NUDT5: variants seen among roughly 807,000 people sequenced by gnomAD.
The protein encoded by NUDT5 is ADP-sugar pyrophosphatase.
A neutral mutation model predicts 34.1 loss-of-function variants in NUDT5; 21 were observed. The ratio of observed to expected loss-of-function variants is 0.62; its 90% confidence interval spans 0.44 to 0.89. The LOEUF is 0.89. Among genes scored for constraint, NUDT5 ranks in the 40% least tolerant of loss-of-function variants. The pLI is 0.00. For missense variants in NUDT5, 249 were observed against 274.8 expected, an observed-to-expected ratio of 0.91 and a Z score of 0.66; for synonymous variants, 85 against 97.6, an observed-to-expected ratio of 0.87 and a Z score of 0.76.
chr10:12,175,530 T>C lies in NUDT5; in HGVS notation c.290-1717A>G, dbSNP rs2131704030. Among the ~76,000 whole-genome samples the C allele has an allele frequency of 6.6e-6, 1 of 151,654 alleles. No homozygotes were observed. Among genetic ancestry groups the C allele is most frequent in the East Asian group, 1.9e-4 (1 of 5,156 alleles). ...GGTGATGCACGCCTGCAGACCCAGC[T>C]ACCCAGGAAGCCAAGGCAGGAGGAT... is the stretch of plus-strand genomic sequence containing the variant. On this transcript the variant is annotated intron_variant, in intron 5 of 9. Transcript: ENST00000491614. The surrounding 1 kb of genome is among the most constrained non-coding windows in gnomAD (Gnocchi z 4.8).
intron 1 of NUDT5, among the ~76,000 whole-genome samples, chr10:12,194,572 G>C (rs1835296720): frequency 6.6e-6 from 1 of 152,182 alleles, no homozygotes; most frequent in Non-Finnish European, 1.5e-5. Flanking sequence ...ATTCTTTAAA[G>C]CACTGCTTCC....
chr10:12,190,325 A>AT (rs1311486691), intron 1 of NUDT5, among the ~76,000 whole-genome samples: 2 of 152,202 alleles, frequency 1.3e-5, no homozygotes, highest in Non-Finnish European at 2.9e-5. Context: ...TCTCCAGAGC[A>AT]TAAAAAAAAC....
chr10:12,165,459 C>A lies in NUDT5; in HGVS notation c.*2243G>T. 1.5e-6 allele frequency: 1 copy of A among 658,448 alleles called. No homozygotes were observed. Among genetic ancestry groups the A allele is most frequent in the Non-Finnish European group, 1.9e-6 (1 of 531,718 alleles). The allele number at this position is 658,448 out of a possible 1,614,324, so 40.8% of individuals were successfully genotyped here. On this transcript the variant is annotated 3_prime_UTR_variant, in exon 10 of 10. Transcript: ENST00000491614. ...TCAGTGTATTCATAAGAAGTCCACCCTGAGATGCCTGTAAAAGTCAAATGT... is the reference window on the plus strand; with the variant it reads ...TCAGTGTATTCATAAGAAGTCCACCATGAGATGCCTGTAAAAGTCAAATGT...
rs181826773 is a variant in NUDT5 at position 12,171,967 on chromosome 10, C to T, written c.487+798G>A. ...CTCGAGCTCCTGACCTCAAGTGATC[C>T]ACCCACCTCAACCTTCCAAAGTGCT... On this transcript the variant is annotated intron_variant, in intron 7 of 9. Coordinates refer to ENST00000491614, the MANE Select transcript of NUDT5 (RefSeq NM_014142.4). The surrounding 1 kb of genome is among the most constrained non-coding windows in gnomAD (Gnocchi z 4.2). Among the ~76,000 whole-genome samples the T allele has an allele frequency of 1.5e-3, 226 of 152,072 alleles. 1 individual carries two copies. Among genetic ancestry groups the T allele is most frequent in the African/African-American group, 5.3e-3 (218 of 41,472 alleles).
Position 12,169,362 on chromosome 10 carries a change from C to T in NUDT5, c.550+1355G>A, listed in dbSNP as rs1052473312. The stretch of plus-strand genomic sequence containing the variant: ...CCGCACGGCATTTCACACTTGCCTA[C>T]GTCACCCTGCTTTCCACGCACCTCC... On this transcript the variant is annotated intron_variant, in intron 9 of 9. Transcript: ENST00000491614. This position sits in a 1 kb window ranked among gnomAD's most constrained non-coding sequence, Gnocchi z 4.8. 16 of 1,414,046 alleles carry T rather than the reference C, an allele frequency of 1.1e-5. No homozygotes were observed. The highest frequency in any genetic ancestry group is 7.2e-5 in the African/African-American group (5 of 69,928). The allele number at this position is 1,414,046 out of a possible 1,614,324, so 87.6% of individuals were successfully genotyped here.
In NUDT5 at chr10:12,171,419, C is replaced by T. The variant is rs578091610; in HGVS notation, c.488-511G>A. 3.9e-5 allele frequency among the ~76,000 whole-genome samples: 6 copies of T among 152,292 alleles called. No individual in the cohort carries two copies. Among genetic ancestry groups the T allele is most frequent in the South Asian group, 4.1e-4 (2 of 4,826 alleles). ...TCAGAGTATTTGCCCATCATGTTAT[C>T]GCATGTTTCAGCGTGTATGTGTGTT... On this transcript the variant is annotated intron_variant, in intron 7 of 9. Transcript: ENST00000491614. This position sits in a 1 kb window ranked among gnomAD's most constrained non-coding sequence, Gnocchi z 4.2.
Position 12,170,797 on chromosome 10 carries a change from C to A in NUDT5, c.497-27G>T. 6.2e-7 allele frequency: 1 copy of A among 1,613,982 alleles called. No individual in the cohort carries two copies. The highest frequency in any genetic ancestry group is 8.5e-7 in the Non-Finnish European group (1 of 1,179,888). ...TAAACAGACAAAGTGCAAGTGAAAA[C>A]AAAGCTAACGTCAAGAGCCTACCAA... On this transcript the variant is annotated intron_variant, in intron 8 of 9. Coordinates refer to ENST00000491614, the MANE Select transcript of NUDT5 (RefSeq NM_014142.4). This position sits in a 1 kb window ranked among gnomAD's most constrained non-coding sequence, Gnocchi z 4.9.
chr10:12,194,534 A>C (rs561668923), intron 1 of NUDT5, among the ~76,000 whole-genome samples: 4 of 152,308 alleles, frequency 2.6e-5, no homozygotes, highest in South Asian at 2.1e-4. Flanking sequence ...GCAACATTAT[A>C]ATCTATTTAC....
Position 12,171,687 on chromosome 10 carries a change from T to TTTTTTTTATTTA in NUDT5, c.488-780_488-779insTAAATAAAAAAA, listed in dbSNP as rs1255578245. Among the ~76,000 whole-genome samples the TTTTTTTTATTTA allele has an allele frequency of 1.4e-5, 2 of 139,984 alleles. No individual in the cohort carries two copies. Among genetic ancestry groups the TTTTTTTTATTTA allele is most frequent in the Non-Finnish European group, 3.1e-5 (2 of 64,442 alleles). 91.8% of individuals were successfully genotyped at this position (139,984 alleles called of 152,430 possible). On this transcript the variant is annotated intron_variant, in intron 7 of 9. Coordinates refer to ENST00000491614, the MANE Select transcript of NUDT5 (RefSeq NM_014142.4). The surrounding 1 kb of genome is among the most constrained non-coding windows in gnomAD (Gnocchi z 4.2). ...TGTGCAGTTCAAAAATTAAGATTTATTTTATTTATTTATTTATTTATTTAT... is the reference window on the plus strand; with the variant it reads ...TGTGCAGTTCAAAAATTAAGATTTATTTTTTTTATTTATTTATTTATTTATTTATTTATTTAT...
Position 12,190,180 on chromosome 10 carries a change from C to T in NUDT5, c.-41-3848G>A, listed in dbSNP as rs1348590924. 5.9e-5 allele frequency among the ~76,000 whole-genome samples: 9 copies of T among 152,312 alleles called. No homozygotes were observed. In the South Asian group the frequency reaches 8.3e-4, roughly 14 times the overall value. Reference sequence around the variant, plus strand: ...CTGGAATTACAGGCGTGAGTCACCGCGCCAGCGAGTGTTCTACAATTTCAT... The same window carrying T: ...CTGGAATTACAGGCGTGAGTCACCGTGCCAGCGAGTGTTCTACAATTTCAT... On this transcript the variant is annotated intron_variant, in intron 1 of 9. Transcript: ENST00000491614.
In NUDT5 at chr10:12,182,126, C is replaced by T. The variant is rs1055173402; in HGVS notation, c.131+2763G>A. Among the ~76,000 whole-genome samples, 9 of 146,242 alleles carry T rather than the reference C, an allele frequency of 6.2e-5. No individual in the cohort carries two copies. The highest frequency in any genetic ancestry group is 1.8e-4 in the African/African-American group (7 of 39,218). On this transcript the variant is annotated intron_variant, in intron 3 of 9. Coordinates refer to ENST00000491614, the MANE Select transcript of NUDT5 (RefSeq NM_014142.4). The surrounding 1 kb of genome is among the most constrained non-coding windows in gnomAD (Gnocchi z 4.3). ...CCTGGGCAACAGAACAAGACTCTGT[C>T]TCAGGGTAAAAAAAAAAAAAAAGAA...
chr10:12,170,333 C>T lies in NUDT5; in HGVS notation c.550+384G>A, dbSNP rs1834829394. 7.4e-6 allele frequency: 6 copies of T among 815,816 alleles called. No individual in the cohort carries two copies. Among genetic ancestry groups the T allele is most frequent in the Admixed American group, 4.5e-5 (2 of 44,596 alleles). 50.5% of individuals were successfully genotyped at this position (815,816 alleles called of 1,614,324 possible). A position where few individuals can be genotyped will look rare whatever the true frequency, so the allele number is the denominator to read the frequency against. ...TTTCTCCTTGAACATACAGCCTCCA[C>T]AAAGGACCATCCCTCATACTAGCAT... On this transcript the variant is annotated intron_variant, in intron 9 of 9. Coordinates refer to ENST00000491614, the MANE Select transcript of NUDT5 (RefSeq NM_014142.4). The surrounding 1 kb of genome is among the most constrained non-coding windows in gnomAD (Gnocchi z 4.9).
At chr10:12,189,964 G>C (rs12782825) in intron 1 of NUDT5, among the ~76,000 whole-genome samples, 1 of 149,488 alleles carries the variant, frequency 6.7e-6, no homozygotes, top group Non-Finnish European at 1.5e-5. Context: ...CGCGATCTCC[G>C]CTCACTGCAA....
Position 12,184,974 on chromosome 10 carries a change from A to C in NUDT5, c.64-18T>G, listed in dbSNP as rs756825114. On this transcript the variant is annotated intron_variant, in intron 2 of 9. Coordinates refer to ENST00000491614, the MANE Select transcript of NUDT5 (RefSeq NM_014142.4). ...GAAATTAACTAAAAGGATATCAGAT[A>C]ATAAGTTGGGAAACTTTCAAACCAA... The C allele has an allele frequency of 3.6e-6, 5 of 1,389,358 alleles. No homozygotes were observed. In the East Asian group the frequency reaches 9.1e-5, roughly 25 times the overall value. 86.1% of individuals were successfully genotyped at this position (1,389,358 alleles called of 1,614,324 possible).
In NUDT5 at chr10:12,170,994, T is replaced by G. The variant is rs955552860; in HGVS notation, c.488-86A>C. The G allele has an allele frequency of 7.0e-7, 1 of 1,427,700 alleles. No homozygotes were observed. The highest frequency in any genetic ancestry group is 9.7e-7 in the Non-Finnish European group (1 of 1,035,644). 88.4% of individuals were successfully genotyped at this position (1,427,700 alleles called of 1,614,324 possible). A position where few individuals can be genotyped will look rare whatever the true frequency, so the allele number is the denominator to read the frequency against. On this transcript the variant is annotated intron_variant, in intron 7 of 9. Transcript: ENST00000491614. This position sits in a 1 kb window ranked among gnomAD's most constrained non-coding sequence, Gnocchi z 4.9. Reference sequence around the variant, plus strand: ...TTTATACAAGAGGCGTCAAAAAGGCTTTGAGAATTTCACAGAAGCCTGGGT... The same window carrying G: ...TTTATACAAGAGGCGTCAAAAAGGCGTTGAGAATTTCACAGAAGCCTGGGT...
intron 3 of NUDT5, chr10:12,184,487 C>T (rs1488325915): frequency 6.4e-7 from 1 of 1,551,830 alleles, no homozygotes; most frequent in Admixed American, 2.0e-5. Flanking sequence ...ATGAGGCAGG[C>T]ACGTACCTCA....
rs1834803384 is a variant in NUDT5 at position 12,169,483 on chromosome 10, G to A, written c.550+1234C>T. 3.5e-6 allele frequency: 2 copies of A among 569,682 alleles called. No individual in the cohort carries two copies. Among genetic ancestry groups the A allele is most frequent in the African/African-American group, 1.9e-5 (1 of 52,622 alleles). The allele number at this position is 569,682 out of a possible 1,614,324, so 35.3% of individuals were successfully genotyped here. ...GTGATAGCTAATTATGGTCCGCGGAGCCTCAAACCGAGTCGGGCCTGTGAC... is the reference window on the plus strand; with the variant it reads ...GTGATAGCTAATTATGGTCCGCGGAACCTCAAACCGAGTCGGGCCTGTGAC... On this transcript the variant is annotated intron_variant, in intron 9 of 9. Transcript: ENST00000491614. This position sits in a 1 kb window ranked among gnomAD's most constrained non-coding sequence, Gnocchi z 4.8.
rs1053002860 is a variant in NUDT5 at position 12,182,506 on chromosome 10, G to GA, written c.131+2382dup. ...TACATAAATCCTCTTCAGAGGCCAG[G>GA]AAAAAAACCCTATGTATGGAAGAAT... On this transcript the variant is annotated intron_variant, in intron 3 of 9. Coordinates refer to ENST00000491614, the MANE Select transcript of NUDT5 (RefSeq NM_014142.4). This position sits in a 1 kb window ranked among gnomAD's most constrained non-coding sequence, Gnocchi z 4.3. Among the ~76,000 whole-genome samples the GA allele has an allele frequency of 6.6e-6, 1 of 151,988 alleles. No homozygotes were observed. Among genetic ancestry groups the GA allele is most frequent in the Non-Finnish European group, 1.5e-5 (1 of 67,984 alleles).
At chr10:12,175,000 A>C (rs1246059349) in intron 5 of NUDT5, among the ~76,000 whole-genome samples, 1 of 152,190 alleles carries the variant, frequency 6.6e-6, no homozygotes, top group Non-Finnish European at 1.5e-5. Context: ...GCAGCAACGC[A>C]GACTCTTTTT....
Sources: gnomAD v4.1 joint callset for allele counts (sites outside exome capture counted in the v4.1 genomes callset) on GRCh38, gnomAD v4.1.1 for gene constraint, Gnocchi (gnomAD v3.1) non-coding constraint, MANE v1.5 for transcripts, NCBI Gene and HGNC (gene_info 2026-07-23, HGNC 2026-07-21) for gene names.